EXOC6B: variants seen among roughly 807,000 people sequenced by gnomAD.
The protein encoded by EXOC6B is SEC15 homolog B.
Under a neutral mutation model 113.5 loss-of-function variants are expected in EXOC6B, and 54 were observed. That is an observed-to-expected ratio of 0.48 (90% confidence interval 0.38 to 0.60). The LOEUF (loss-of-function observed/expected upper bound fraction) is 0.60, where lower values mean the gene tolerates loss of function less well. Ranked by LOEUF, EXOC6B falls within the 20% of genes least tolerant of loss-of-function variation. EXOC6B has a pLI of 0.00. For synonymous variants in EXOC6B, 357 were observed against 339.0 expected (o/e 1.05, Z -0.58); for missense variants, 797 against 977.5 (o/e 0.82, Z 2.46).
chr2:72,738,360 C>T (rs573505751), intron 2 of EXOC6B, among the ~76,000 whole-genome samples: 97 of 152,296 alleles, frequency 6.4e-4, no homozygotes, highest in Non-Finnish European at 1.3e-3. Flanking sequence ...GGGCTCTATT[C>T]CAGATATATG....
chr2:72,365,855 T>C (rs921013250), intron 19 of EXOC6B, among the ~76,000 whole-genome samples: 1 of 152,082 alleles, frequency 6.6e-6, no homozygotes, highest in Non-Finnish European at 1.5e-5. Flanking sequence ...TCATGCAGAA[T>C]TCTCCCAAGG....
chr2:72,355,660 C>T (rs559619112), intron 19 of EXOC6B, among the ~76,000 whole-genome samples: 1 of 152,300 alleles, frequency 6.6e-6, no homozygotes, highest in Non-Finnish European at 1.5e-5. Flanking sequence ...AATCTTCTGA[C>T]TTAATGCTTC....
At position 72,766,941 on chromosome 2, in the gene EXOC6B, G is replaced by A. The variant is rs1480339000; in HGVS notation, c.114-25472C>T. 4.6e-5 allele frequency among the ~76,000 whole-genome samples: 6 copies of A among 131,678 alleles called. No individual in the cohort carries two copies. In the South Asian group the frequency reaches 1.2e-3, roughly 27 times the overall value. 86.4% of individuals were successfully genotyped at this position (131,678 alleles called of 152,430 possible). On this transcript the variant is annotated intron_variant, in intron 1 of 21. Transcript: ENST00000272427. ...CCCTCCAGCTTGGGTGACAGAGTGA[G>A]ACCCTGTCTCAAAAGAAAAAAAAAA...
At chr2:72,780,166 A>C (rs369856687) in intron 1 of EXOC6B, among the ~76,000 whole-genome samples, 1 of 152,230 alleles carries the variant, frequency 6.6e-6, no homozygotes, top group Non-Finnish European at 1.5e-5. Context: ...TATGCTGCTT[A>C]TATCTTTTTA....
At chr2:72,307,665 T>C (rs1335387155) in intron 20 of EXOC6B, among the ~76,000 whole-genome samples, 1 of 152,218 alleles carries the variant, frequency 6.6e-6, no homozygotes, top group Non-Finnish European at 1.5e-5. Context: ...CTGTCTCTGA[T>C]AAACTATATA....
At chr2:72,558,594 A>G (rs1278927118) in intron 8 of EXOC6B, among the ~76,000 whole-genome samples, 2 of 151,742 alleles carry the variant, frequency 1.3e-5, no homozygotes, top group African/African-American at 4.8e-5. Context: ...ACATAGAAAA[A>G]CCCCATCTCT....
chr2:72,773,634 AATTC>A (rs1279623014), intron 1 of EXOC6B, among the ~76,000 whole-genome samples: 1 of 152,146 alleles, frequency 6.6e-6, no homozygotes, highest in Non-Finnish European at 1.5e-5. Flanking sequence ...GAAAATAATT[AATTC>A]ATTTAAAATT....
chr2:72,743,502 T>C (rs1218499138), intron 1 of EXOC6B, among the ~76,000 whole-genome samples: 2 of 152,102 alleles, frequency 1.3e-5, no homozygotes, highest in Non-Finnish European at 2.9e-5. Context: ...TTTTTGCAGT[T>C]CTTATACTAG....
intron 18 of EXOC6B, among the ~76,000 whole-genome samples, chr2:72,423,733 A>G (rs1176415369): frequency 2.6e-5 from 4 of 152,166 alleles, no homozygotes; most frequent in African/African-American, 9.7e-5. Context: ...GTGTGTGTGC[A>G]TGCACATACA....
intron 8 of EXOC6B, among the ~76,000 whole-genome samples, chr2:72,520,782 T>A (rs948383671): frequency 6.6e-6 from 1 of 152,188 alleles, no homozygotes; most frequent in Non-Finnish European, 1.5e-5. Flanking sequence ...GTTGCCAGTG[T>A]TTAATAATCT....
intron 18 of EXOC6B, among the ~76,000 whole-genome samples, chr2:72,448,449 A>G (rs929722631): frequency 1.3e-5 from 2 of 152,192 alleles, no homozygotes; most frequent in African/African-American, 4.8e-5. Flanking sequence ...TATATTTTCA[A>G]TATTTGTCTG....
intron 16 of EXOC6B, among the ~76,000 whole-genome samples, chr2:72,481,845 T>C (rs892614994): frequency 2.6e-5 from 4 of 152,198 alleles, no homozygotes; most frequent in Non-Finnish European, 4.4e-5. Flanking sequence ...TTGTCTTCTA[T>C]AAATTACTAG....
At chr2:72,603,074 TTTTTTTTTTTTTTTGGTTG>T (rs1453058489) in intron 6 of EXOC6B, among the ~76,000 whole-genome samples, 3 of 1,520 alleles carry the variant, frequency 2.0e-3, no homozygotes, top group South Asian at 0.042. Context: ...GGACAGATGG[TTTTTTTTTTTTTTTGGTTG>T]TTTTTTTTTT....
At chr2:72,720,691 T>C (rs1057003781) in intron 5 of EXOC6B, among the ~76,000 whole-genome samples, 3 of 151,854 alleles carry the variant, frequency 2.0e-5, no homozygotes, top group Non-Finnish European at 4.4e-5. Flanking sequence ...TGGGCAGAGG[T>C]TGCAGTGAGC....
chr2:72,389,416 A>G (rs924853434), intron 18 of EXOC6B, among the ~76,000 whole-genome samples: 1 of 152,008 alleles, frequency 6.6e-6, no homozygotes, highest in Non-Finnish European at 1.5e-5. Flanking sequence ...TTTTGCTTTT[A>G]AAGTCCATTA....
At chr2:72,323,099 C>T (rs1310510133) in intron 20 of EXOC6B, among the ~76,000 whole-genome samples, 1 of 151,978 alleles carries the variant, frequency 6.6e-6, no homozygotes, top group Admixed American at 6.6e-5. Flanking sequence ...CCTGACAAAG[C>T]ACTAATATCC....
intron 20 of EXOC6B, among the ~76,000 whole-genome samples, chr2:72,290,913 A>C (rs1685743389): frequency 6.6e-6 from 1 of 152,152 alleles, no homozygotes; most frequent in Non-Finnish European, 1.5e-5. Context: ...AAATGTATGA[A>C]TATTATATTG....
At chr2:72,519,249 C>T (rs534551570) in intron 8 of EXOC6B, among the ~76,000 whole-genome samples, 12 of 152,184 alleles carry the variant, frequency 7.9e-5, no homozygotes, top group South Asian at 4.1e-4. Context: ...ATATTGTAAA[C>T]GGGTGTCATT....
At chr2:72,537,563 T>C (rs1244341213) in intron 8 of EXOC6B, among the ~76,000 whole-genome samples, 1 of 151,792 alleles carries the variant, frequency 6.6e-6, no homozygotes, top group Non-Finnish European at 1.5e-5. Flanking sequence ...CCCAGGAGGT[T>C]CAAGGCTGTA....
Sources: allele counts gnomAD v4.1 joint callset (sites outside exome capture counted in the v4.1 genomes callset), GRCh38; gene constraint gnomAD v4.1.1; transcripts MANE v1.5; gene names NCBI Gene and HGNC (gene_info 2026-07-23, HGNC 2026-07-21).